Variants in HS6ST2 observed in about 807,000 individuals in gnomAD.
HS6ST2 encodes heparan-sulfate 6-O-sulfotransferase 2.
Under a neutral mutation model 33.0 loss-of-function variants are expected in HS6ST2, and 17 were observed. That is an observed-to-expected ratio of 0.52 (90% CI 0.35 to 0.77). The LOEUF is 0.77. HS6ST2 is among the 30% of genes least tolerant of loss of function. The probability of loss-of-function intolerance (pLI) is 0.01; values close to 1 mark genes in which losing one functional copy is unlikely to be tolerated. For synonymous variants in HS6ST2, 248 were observed against 237.1 expected (o/e 1.05, Z -0.42); for missense variants, 519 against 551.7 (o/e 0.94, Z 0.59).
chrX:132,686,051 A>G (rs977740064), intron 3 of HS6ST2, among the ~76,000 whole-genome samples: 1 of 111,904 alleles, frequency 8.9e-6, no homozygotes, highest in African/African-American at 3.2e-5. Flanking sequence ...CAGTAGATAT[A>G]GGTGAAAGGA....
At position 132,907,268 on chromosome X, in the gene HS6ST2, C is replaced by T. The variant is rs762000276; in HGVS notation, c.947+49540G>A. 8 of 112,749 alleles carry T rather than the reference C, an allele frequency of 7.1e-5. No homozygotes were observed. In the East Asian group the frequency reaches 2.3e-3, roughly 32 times the overall value. 9.3% of individuals were successfully genotyped at this position (112,749 alleles called of 1,213,427 possible). ...TATTAAAGGGCCAACCAAAGGCACCCTTGTCTTGTGCCTTTCTGAAATTTC... is the reference window on the plus strand; with the variant it reads ...TATTAAAGGGCCAACCAAAGGCACCTTTGTCTTGTGCCTTTCTGAAATTTC... On this transcript the variant is annotated intron_variant, in intron 2 of 4. Coordinates refer to ENST00000370833, the MANE Select transcript of HS6ST2 (RefSeq NM_001394073.1).
intron 3 of HS6ST2, among the ~76,000 whole-genome samples, chrX:132,672,536 G>C (rs2063892188): frequency 9.0e-6 from 1 of 111,336 alleles, no homozygotes; most frequent in African/African-American, 3.3e-5. Flanking sequence ...CTATGGATAA[G>C]CTGCTTTCCT....
intron 2 of HS6ST2, among the ~76,000 whole-genome samples, chrX:132,769,498 A>T (rs2064876984): frequency 8.9e-6 from 1 of 112,033 alleles, no homozygotes; most frequent in African/African-American, 3.2e-5. Flanking sequence ...TGTGTTCATC[A>T]ATTGCATTTC....
At chrX:132,757,740 C>T (rs904301296) in intron 2 of HS6ST2, among the ~76,000 whole-genome samples, 1 of 111,954 alleles carries the variant, frequency 8.9e-6, no homozygotes, top group South Asian at 3.7e-4. Flanking sequence ...TCTTTTTAGA[C>T]AAACACAGGC....
chrX:132,690,826 TA>T (rs1471934959), intron 3 of HS6ST2, among the ~76,000 whole-genome samples: 1 of 111,793 alleles, frequency 8.9e-6, no homozygotes, highest in Non-Finnish European at 1.9e-5. Context: ...GCCCTCTTTT[TA>T]AAAAAGGAGT....
intron 2 of HS6ST2, among the ~76,000 whole-genome samples, chrX:132,766,760 CACA>C (rs1257042209): frequency 8.9e-6 from 1 of 111,817 alleles, no homozygotes; most frequent in Non-Finnish European, 1.9e-5. Flanking sequence ...AAATCAATAC[CACA>C]TGTAATGAAG....
At chrX:132,851,645 A>G (rs1428269726) in intron 2 of HS6ST2, among the ~76,000 whole-genome samples, 2 of 112,160 alleles carry the variant, frequency 1.8e-5, no homozygotes, top group African/African-American at 6.5e-5. Context: ...TCACAGATCT[A>G]TATCATGCAT....
At chrX:132,696,725 C>G (rs1468044294) in intron 3 of HS6ST2, among the ~76,000 whole-genome samples, 1 of 105,689 alleles carries the variant, frequency 9.5e-6, no homozygotes, top group Non-Finnish European at 2.0e-5. Context: ...TGCAGTACCT[C>G]AGCTCCAAAC....
chrX:132,926,180 G>T (rs180785787), intron 2 of HS6ST2, among the ~76,000 whole-genome samples: 1 of 112,645 alleles, frequency 8.9e-6, no homozygotes, highest in Admixed American at 9.4e-5. Flanking sequence ...AGAAATCTGC[G>T]TTTTTGGAGA....
intron 2 of HS6ST2, among the ~76,000 whole-genome samples, chrX:132,953,517 A>C (rs929589226): frequency 1.8e-5 from 2 of 111,790 alleles, no homozygotes; most frequent in Non-Finnish European, 3.8e-5. Flanking sequence ...CTTGGCTTGC[A>C]GCCACAATAG....
chrX:132,753,236 T>C (rs976455606), intron 2 of HS6ST2, among the ~76,000 whole-genome samples: 5 of 112,100 alleles, frequency 4.5e-5, no homozygotes, highest in Non-Finnish European at 9.4e-5. Flanking sequence ...AATTCATTCC[T>C]TGTCAGAAGC....
Position 132,628,083 on chromosome X carries a change from T to C in HS6ST2, c.*140A>G, listed in dbSNP as rs1201975908. On this transcript the variant is annotated 3_prime_UTR_variant, in exon 5 of 5. Coordinates refer to ENST00000370833, the MANE Select transcript of HS6ST2 (RefSeq NM_001394073.1). ...GTATAACACTGAATTGAAAGGCAAC[T>C]GTAAAGGCAACATCTAAACTTTTTT... is the stretch of plus-strand genomic sequence containing the variant. The C allele has an allele frequency of 2.2e-6, 1 of 459,499 alleles. No individual in the cohort carries two copies. The highest frequency in any genetic ancestry group is 3.7e-6 in the Non-Finnish European group (1 of 269,282). 37.9% of individuals were successfully genotyped at this position (459,499 alleles called of 1,213,427 possible).
At chrX:132,819,452 C>T (rs2065430354) in intron 2 of HS6ST2, among the ~76,000 whole-genome samples, 1 of 111,755 alleles carries the variant, frequency 8.9e-6, no homozygotes, top group South Asian at 3.8e-4. Context: ...CGGTCTGGCA[C>T]ACTGAGCTAG....
At chrX:132,808,799 A>G (rs1435982277) in intron 2 of HS6ST2, 2 of 112,016 alleles carry the variant, frequency 1.8e-5, no homozygotes, top group Non-Finnish European at 3.8e-5. Context: ...GCACTGGACC[A>G]CAGCCTTCCC....
At chrX:132,957,456 ACGG>A in intron 1 of HS6ST2, 130 bp from the exon 2 acceptor site, 48 of 741,803 alleles carry the variant, frequency 6.5e-5, no homozygotes, top group Non-Finnish European at 8.1e-5. Context: ...CGAGTACTCC[ACGG>A]CGGCGGCGGC....
At chrX:132,761,377 G>A (rs1176246656) in intron 2 of HS6ST2, among the ~76,000 whole-genome samples, 1 of 111,330 alleles carries the variant, frequency 9.0e-6, no homozygotes, top group Admixed American at 9.5e-5. Context: ...TGGGAGGGGA[G>A]AGACTGCCAA....
rs754515588 is a variant in HS6ST2 at position 132,690,164 on chromosome X, T to C, written c.980+18298A>G. ...CAGACATTGAAATGCGAATTGCATA[T>C]ATTTTTCAAATGTCACAAAACATTG... On this transcript the variant is annotated intron_variant, in intron 3 of 4. Transcript: ENST00000370833. Among the ~76,000 whole-genome samples the C allele has an allele frequency of 2.7e-5, 3 of 112,568 alleles. No individual in the cohort carries two copies. The East Asian group carries it at 8.3e-4, about 31-fold the overall frequency.
intron 2 of HS6ST2, among the ~76,000 whole-genome samples, chrX:132,741,845 A>G (rs181596278): frequency 8.9e-6 from 1 of 111,797 alleles, no homozygotes; most frequent in Non-Finnish European, 1.9e-5. Context: ...CTAAGTCTGC[A>G]ACTTACTAGC....
chrX:132,960,716 T>C (rs1273295666), upstream of HS6ST2, among the ~76,000 whole-genome samples: 1 of 111,822 alleles, frequency 8.9e-6, no homozygotes, highest in Non-Finnish European at 1.9e-5. Context: ...GGCTGTAAAG[T>C]TCAGTTTCTG....
Sources: gnomAD v4.1 joint callset for allele counts (sites outside exome capture counted in the v4.1 genomes callset) on GRCh38, gnomAD v4.1.1 for gene constraint, MANE v1.5 for transcripts, NCBI Gene and HGNC (gene_info 2026-07-23, HGNC 2026-07-21) for gene names.